The following TMC1 variants were observed in gnomAD, a reference collection of about 807,000 sequenced individuals.
The protein encoded by TMC1 is transmembrane channel-like protein 1.
TMC1 carries 84 observed loss-of-function variants against 105.8 expected under a neutral mutation model. That is an observed-to-expected ratio of 0.79 (90% CI 0.67 to 0.95). The LOEUF is 0.95. Among genes scored for constraint, TMC1 ranks in the 40% least tolerant of loss-of-function variants. The probability of loss-of-function intolerance (pLI) is 0.00; values close to 1 mark genes in which losing one functional copy is unlikely to be tolerated. For synonymous variants in TMC1, 315 were observed against 311.5 expected, an observed-to-expected ratio of 1.01 and a Z score of -0.12; for missense variants, 817 against 914.1, an observed-to-expected ratio of 0.89 and a Z score of 1.37.
rs574342841 is a variant in TMC1 at position 72,728,591 on chromosome 9, G to A, written c.363-11528G>A. Among the ~76,000 whole-genome samples the A allele has an allele frequency of 1.5e-3, 233 of 152,092 alleles. 1 individual carries two copies. Among genetic ancestry groups the A allele is most frequent in the African/African-American group, 5.5e-3 (227 of 41,508 alleles). The stretch of plus-strand genomic sequence containing the variant: ...ATCCTGACATGGCATATTTTGGGGT[G>A]CCATATTCTGCTACCCTCCAAATTG... On this transcript the variant is annotated intron_variant, in intron 8 of 23. Transcript: ENST00000297784.
In TMC1 at chr9:72,838,087, G is replaced by C. The variant is rs916408851; in HGVS notation, c.*2114G>C. Reference sequence around the variant, plus strand: ...TTTTGTATGCCTAGTATAGTGCTGTGCACAAGTAGGCGCTGAATAAATGCT... The same window carrying C: ...TTTTGTATGCCTAGTATAGTGCTGTCCACAAGTAGGCGCTGAATAAATGCT... On this transcript the variant is annotated 3_prime_UTR_variant, in exon 24 of 24. Transcript: ENST00000297784. 1 of 152,204 alleles carries C rather than the reference G, an allele frequency of 6.6e-6. No individual in the cohort carries two copies. 9.4% of individuals were successfully genotyped at this position (152,204 alleles called of 1,614,324 possible).
chr9:72,834,283 G>A (rs1290530834), intron 23 of TMC1, among the ~76,000 whole-genome samples: 2 of 151,846 alleles, frequency 1.3e-5, no homozygotes, highest in Non-Finnish European at 2.9e-5. Context: ...AACTCTTTTT[G>A]ATGTTTCTTT....
At chr9:72,722,975 T>A (rs1266728028) in intron 8 of TMC1, among the ~76,000 whole-genome samples, 1 of 152,122 alleles carries the variant, frequency 6.6e-6, no homozygotes, top group African/African-American at 2.4e-5. Context: ...AATAATGAAC[T>A]CAACTAAGGT....
chr9:72,830,740 T>C, intron 23 of TMC1, 58 bp downstream of exon 23: 1 of 690,424 alleles, frequency 1.4e-6, no homozygotes. Flanking sequence ...TTTTCTTTCT[T>C]TTTTTTTTTT....
At chr9:72,684,375 T>G (rs1367590073) in intron 5 of TMC1, among the ~76,000 whole-genome samples, 1 of 152,180 alleles carries the variant, frequency 6.6e-6, no homozygotes, top group Non-Finnish European at 1.5e-5. Context: ...GTCCACATTG[T>G]ACTTAGCAAC....
chr9:72,655,836 A>G, intron 5 of TMC1: 1 of 728,648 alleles, frequency 1.4e-6, no homozygotes. Flanking sequence ...GTTGACTTAT[A>G]CGTCTACAAT....
At chr9:72,644,614 T>C (rs1825679485) in intron 4 of TMC1, among the ~76,000 whole-genome samples, 1 of 152,180 alleles carries the variant, frequency 6.6e-6, no homozygotes, top group South Asian at 2.1e-4. Flanking sequence ...CAGTGATTCA[T>C]CTATGTTGAT....
At chr9:72,686,536 C>T (rs947681452) in intron 5 of TMC1, among the ~76,000 whole-genome samples, 1 of 152,192 alleles carries the variant, frequency 6.6e-6, no homozygotes, top group Non-Finnish European at 1.5e-5. Flanking sequence ...CCATTAAAAT[C>T]GAGCTTGCTC....
chr9:72,684,940 C>G (rs980180886), intron 5 of TMC1, among the ~76,000 whole-genome samples: 56 of 152,056 alleles, frequency 3.7e-4, no homozygotes, highest in Non-Finnish European at 2.4e-4. Flanking sequence ...GTAAAAACAT[C>G]CAATTTGTAT....
intron 3 of TMC1, among the ~76,000 whole-genome samples, chr9:72,620,997 G>C (rs957680483): frequency 6.6e-6 from 1 of 152,122 alleles, no homozygotes; most frequent in Non-Finnish European, 1.5e-5. Context: ...ACTGATTGAC[G>C]TCAGTCTACT....
chr9:72,567,922 A>C (rs1281890069), intron 1 of TMC1, among the ~76,000 whole-genome samples: 1 of 151,986 alleles, frequency 6.6e-6, no homozygotes, highest in Non-Finnish European at 1.5e-5. Context: ...GGGAGATCTT[A>C]CTCCTAGATG....
At chr9:72,776,319 A>G (rs1828004436) in intron 13 of TMC1, among the ~76,000 whole-genome samples, 1 of 151,978 alleles carries the variant, frequency 6.6e-6, no homozygotes, top group East Asian at 1.9e-4. Flanking sequence ...ATATTTTTAA[A>G]TTTGGCAAAA....
intron 23 of TMC1, among the ~76,000 whole-genome samples, chr9:72,832,001 G>T (rs1312661075): frequency 2.6e-5 from 4 of 151,902 alleles, no homozygotes; most frequent in Non-Finnish European, 4.4e-5. Flanking sequence ...TGTGGCCCAG[G>T]CTGGAGGGCA....
intron 2 of TMC1, among the ~76,000 whole-genome samples, chr9:72,607,615 CAA>C (rs1156416280): frequency 5.8e-4 from 32 of 55,126 alleles, no homozygotes; most frequent in Admixed American, 8.6e-4. Context: ...GAGTCTGCCT[CAA>C]AAAAAAAAAA....
In TMC1 at chr9:72,742,522, G is replaced by GA. The variant is rs762864983; in HGVS notation, c.535dup (p.Ser179LysfsTer30). 2.5e-6 allele frequency: 4 copies of GA among 1,613,284 alleles called. No homozygotes were observed. The Admixed American group carries it at 6.7e-5, about 27-fold the overall frequency. ...ATGGGAAAATAAAATCAAGGCTATT[G>GA]AAAGTAAGTCCTTATCAGATCTCAG... is the stretch of plus-strand genomic sequence containing the variant. On this transcript the variant is annotated frameshift_variant, in exon 10 of 24. Coordinates refer to ENST00000297784, the MANE Select transcript of TMC1 (RefSeq NM_138691.3). LOFTEE classifies it high-confidence loss of function.
intron 5 of TMC1, among the ~76,000 whole-genome samples, chr9:72,662,898 A>G (rs1195796288): frequency 2.6e-5 from 4 of 152,224 alleles, no homozygotes; most frequent in Non-Finnish European, 4.4e-5. Context: ...TTAAGACTTA[A>G]TAAATACAGT....
chr9:72,588,255 C>T (rs974521058), intron 2 of TMC1, among the ~76,000 whole-genome samples: 2 of 152,174 alleles, frequency 1.3e-5, no homozygotes, highest in African/African-American at 2.4e-5. Flanking sequence ...TAACAAACTG[C>T]CCCAAACTTC....
At chr9:72,691,865 C>T (rs972788083) in intron 6 of TMC1, among the ~76,000 whole-genome samples, 51 of 152,222 alleles carry the variant, frequency 3.4e-4, no homozygotes, top group Middle Eastern at 3.4e-3. Flanking sequence ...TCATGCTGAA[C>T]TGGGGGAAGG....
intron 2 of TMC1, among the ~76,000 whole-genome samples, chr9:72,603,415 A>ACACACAC (rs1564438229): frequency 5.3e-5 from 8 of 149,970 alleles, no homozygotes; most frequent in Non-Finnish European, 7.4e-5. Context: ...ACACACACAC[A>ACACACAC]CACACACCAC....
Sources: gnomAD v4.1 joint callset for allele counts (sites outside exome capture counted in the v4.1 genomes callset) on GRCh38, gnomAD v4.1.1 for gene constraint, MANE v1.5 for transcripts, NCBI Gene and HGNC (gene_info 2026-07-23, HGNC 2026-07-21) for gene names.